Variants in MAML2 observed in about 807,000 individuals in gnomAD.
MAML2 encodes the protein mastermind like transcriptional coactivator 2, also known as mastermind-like protein 2.
In MAML2, 22 loss-of-function variants were observed where a neutral mutation model predicts 96.1. That is an observed-to-expected ratio of 0.23 (90% CI 0.16 to 0.33). The LOEUF is 0.33. MAML2 is among the 10% of genes least tolerant of loss of function. The pLI is 1.00. For synonymous variants in MAML2, 561 were observed against 521.3 expected (o/e 1.08, Z -1.04); for missense variants, 1,367 against 1,392.4 (o/e 0.98, Z 0.29).
At chr11:96,260,656 G>GTGA (rs1465405740) in intron 1 of MAML2, among the ~76,000 whole-genome samples, 4 of 152,126 alleles carry the variant, frequency 2.6e-5, no homozygotes, top group Admixed American at 6.5e-5. Flanking sequence ...ACCCTGAGCA[G>GTGA]TGATATTATT....
intron 1 of MAML2, among the ~76,000 whole-genome samples, chr11:96,179,828 A>C (rs142089477): frequency 5.9e-5 from 9 of 152,214 alleles, no homozygotes; most frequent in Non-Finnish European, 1.2e-4. Context: ...TTCACTGCCA[A>C]CTTGTCAGTT....
intron 2 of MAML2, among the ~76,000 whole-genome samples, chr11:96,031,318 T>C (rs1858610023): frequency 1.3e-5 from 2 of 149,940 alleles, no homozygotes; most frequent in Admixed American, 1.3e-4. Context: ...TAAGTGTTAT[T>C]ATTTCCATTT....
At chr11:96,083,883 G>C (rs1337738141) in intron 2 of MAML2, among the ~76,000 whole-genome samples, 1 of 152,184 alleles carries the variant, frequency 6.6e-6, no homozygotes, top group East Asian at 1.9e-4. Flanking sequence ...AGAAGAAGCA[G>C]AGGGAGCTAC....
At chr11:96,151,438 A>G (rs1233904840) in intron 1 of MAML2, among the ~76,000 whole-genome samples, 1 of 152,236 alleles carries the variant, frequency 6.6e-6, no homozygotes, top group African/African-American at 2.4e-5. Context: ...CAGAAACTAT[A>G]TCTAACTCAT....
At chr11:96,306,856 G>T (rs1377201460) in intron 1 of MAML2, among the ~76,000 whole-genome samples, 2 of 152,140 alleles carry the variant, frequency 1.3e-5, no homozygotes, top group Admixed American at 1.3e-4. Flanking sequence ...TTTTCAGTTG[G>T]AGTGAGCACG....
chr11:96,138,648 C>A (rs1027209066), intron 1 of MAML2, among the ~76,000 whole-genome samples: 1 of 151,916 alleles, frequency 6.6e-6, no homozygotes, highest in African/African-American at 2.4e-5. Flanking sequence ...TAATGATTGC[C>A]GGGTAAACCA....
intron 1 of MAML2, among the ~76,000 whole-genome samples, chr11:96,151,400 A>G (rs542343088): frequency 6.6e-6 from 1 of 152,350 alleles, no homozygotes; most frequent in South Asian, 2.1e-4. Context: ...ATTTCTTGAC[A>G]GCAAGTAATC....
At chr11:96,156,563 T>C (rs992145026) in intron 1 of MAML2, among the ~76,000 whole-genome samples, 18 of 152,172 alleles carry the variant, frequency 1.2e-4, no homozygotes, top group African/African-American at 4.1e-4. Context: ...CATGCTTCCA[T>C]CCTTGACAGG....
At chr11:96,293,166 TATG>T (rs1863239670) in intron 1 of MAML2, among the ~76,000 whole-genome samples, 1 of 152,210 alleles carries the variant, frequency 6.6e-6, no homozygotes, top group Non-Finnish European at 1.5e-5. Flanking sequence ...TGAAAATGGA[TATG>T]ATATTACCCC....
Position 96,092,195 on chromosome 11 carries a change from CTGCTGCTGCTGCTGT to C in MAML2, c.1821_1835del (p.Gln617_Gln621del), listed in dbSNP as rs957387619. 23 of 1,522,984 alleles carry C rather than the reference CTGCTGCTGCTGCTGT, an allele frequency of 1.5e-5. No homozygotes were observed. The African/African-American group carries it at 2.1e-4, about 14-fold the overall frequency. The allele number at this position is 1,522,984 out of a possible 1,614,324, so 94.3% of individuals were successfully genotyped here. A position where few individuals can be genotyped will look rare whatever the true frequency, so the allele number is the denominator to read the frequency against. The stretch of plus-strand genomic sequence containing the variant: ...GCTGTTGCTGTTGCTGTTGCTGTTG[CTGCTGCTGCTGCTGT>C]TGCTGCTGCTGCTGCTGCTGCTGCT... On this transcript the variant is annotated inframe_deletion, in exon 2 of 5. Transcript: ENST00000524717. This position sits in a 1 kb window ranked among gnomAD's most constrained non-coding sequence, Gnocchi z 4.1.
chr11:96,296,368 A>G (rs1274260544), intron 1 of MAML2, among the ~76,000 whole-genome samples: 1 of 152,170 alleles, frequency 6.6e-6, no homozygotes. Context: ...AGGGAGGCCG[A>G]GCACGGTGGC....
Position 96,119,343 on chromosome 11 carries a change from T to C in MAML2, c.514-25826A>G, listed in dbSNP as rs188181160. 8.5e-3 allele frequency among the ~76,000 whole-genome samples: 1,290 copies of C among 152,250 alleles called. 7 individuals carry two copies. Among genetic ancestry groups the C allele is most frequent in the Non-Finnish European group, 0.015 (1,012 of 68,006 alleles). Reference sequence around the variant, plus strand: ...AAGGAGGCAGGAGAGCCAATGAGATTTGAAGATGCTACATTAGCTTTGAAG... The same window carrying C: ...AAGGAGGCAGGAGAGCCAATGAGATCTGAAGATGCTACATTAGCTTTGAAG... On this transcript the variant is annotated intron_variant, in intron 1 of 4. Transcript: ENST00000524717.
rs780902999 is a variant in MAML2, at chr11:96,317,054, C to T, written c.513+24329G>A. Among the ~76,000 whole-genome samples, 8 of 152,178 alleles carry T rather than the reference C, an allele frequency of 5.3e-5. No individual in the cohort carries two copies. In the East Asian group the frequency reaches 5.8e-4, roughly 11 times the overall value. ...TCTTGCCAAGCCCTCTGGTTTTACT[C>T]GTCCTTCAGCTTCAGGCCTGCATTC... On this transcript the variant is annotated intron_variant, in intron 1 of 4. Coordinates refer to ENST00000524717, the MANE Select transcript of MAML2 (RefSeq NM_032427.4).
intron 1 of MAML2, among the ~76,000 whole-genome samples, chr11:96,154,419 C>G (rs914763103): frequency 6.6e-6 from 1 of 152,202 alleles, no homozygotes; most frequent in African/African-American, 2.4e-5. Flanking sequence ...CAGACATTAT[C>G]CAGGTTCAAT....
chr11:96,321,904 C>G (rs1863707325), intron 1 of MAML2, among the ~76,000 whole-genome samples: 1 of 152,182 alleles, frequency 6.6e-6, no homozygotes, highest in African/African-American at 2.4e-5. Context: ...AGATCATGAA[C>G]AGTTTTGAGT....
intron 1 of MAML2, among the ~76,000 whole-genome samples, chr11:96,165,272 A>T (rs1360732853): frequency 1.3e-5 from 2 of 152,204 alleles, no homozygotes; most frequent in Non-Finnish European, 2.9e-5. Context: ...GGCTTGTTAA[A>T]ACACAGAGTG....
At chr11:96,051,667 T>G (rs1400543552) in intron 2 of MAML2, among the ~76,000 whole-genome samples, 1 of 152,190 alleles carries the variant, frequency 6.6e-6, no homozygotes, top group African/African-American at 2.4e-5. Context: ...CAGGGTCTTC[T>G]GCCTCCACTT....
chr11:96,186,222 C>T (rs966283016), intron 1 of MAML2, among the ~76,000 whole-genome samples: 3 of 152,172 alleles, frequency 2.0e-5, no homozygotes, highest in Admixed American at 2.0e-4. Context: ...TACAAATTGC[C>T]TATCAAATCA....
At chr11:96,266,170 G>A (rs1370083858) in intron 1 of MAML2, among the ~76,000 whole-genome samples, 2 of 152,072 alleles carry the variant, frequency 1.3e-5, no homozygotes, top group African/African-American at 2.4e-5. Context: ...CTGAAGAAAC[G>A]AGCCACTTCC....
Sources: gnomAD v4.1 joint callset for allele counts (sites outside exome capture counted in the v4.1 genomes callset) on GRCh38, gnomAD v4.1.1 for gene constraint, Gnocchi (gnomAD v3.1) non-coding constraint, MANE v1.5 for transcripts, NCBI Gene and HGNC (gene_info 2026-07-23, HGNC 2026-07-21) for gene names.